Variants in SIPA1L1 observed in about 807,000 individuals in gnomAD.
SIPA1L1 encodes signal induced proliferation associated 1 like 1, also known as signal-induced proliferation-associated 1-like protein 1.
Under a neutral mutation model 162.7 loss-of-function variants are expected in SIPA1L1, and 26 were observed. That is an observed-to-expected ratio of 0.16 (90% CI 0.12 to 0.22). The LOEUF (loss-of-function observed/expected upper bound fraction) is 0.22, where lower values mean the gene tolerates loss of function less well. Among genes scored for constraint, SIPA1L1 ranks in the 10% least tolerant of loss-of-function variants. SIPA1L1 has a pLI of 1.00. For missense variants in SIPA1L1, 1,874 were observed against 2,241.0 expected (o/e 0.84, Z 3.31); for synonymous variants, 829 against 837.4 (o/e 0.99, Z 0.17).
At chr14:71,455,978 AT>A (rs1029112173) in intron 2 of SIPA1L1, among the ~76,000 whole-genome samples, 17 of 152,190 alleles carry the variant, frequency 1.1e-4, no homozygotes, top group African/African-American at 4.1e-4. Flanking sequence ...TTCATTTACT[AT>A]TGTGTTTATG....
At chr14:71,341,686 A>G (rs189460636) in intron 2 of SIPA1L1, among the ~76,000 whole-genome samples, 2 of 152,152 alleles carry the variant, frequency 1.3e-5, no homozygotes, top group African/African-American at 2.4e-5. Flanking sequence ...TCCAGTGTCT[A>G]TTATTGCCAT....
chr14:71,396,556 T>A (rs1463086051), intron 2 of SIPA1L1, among the ~76,000 whole-genome samples: 1 of 152,208 alleles, frequency 6.6e-6, no homozygotes, highest in Non-Finnish European at 1.5e-5. Context: ...GAAACGAGCA[T>A]GTCCTGCAAA....
intron 17 of SIPA1L1, among the ~76,000 whole-genome samples, chr14:71,715,566 C>CA (rs1404956623): frequency 2.6e-5 from 4 of 152,220 alleles, no homozygotes; most frequent in Non-Finnish European, 4.4e-5. Flanking sequence ...ACCACCAAAC[C>CA]AAAATCCTGT....
At chr14:71,322,635 CAG>C (rs1316747144) in intron 2 of SIPA1L1, among the ~76,000 whole-genome samples, 2 of 152,192 alleles carry the variant, frequency 1.3e-5, no homozygotes, top group Non-Finnish European at 2.9e-5. Context: ...TAACAATTAA[CAG>C]TGCATTTAAA....
chr14:71,533,293 T>C (rs148439768), intron 4 of SIPA1L1, among the ~76,000 whole-genome samples: 94 of 152,372 alleles, frequency 6.2e-4, no homozygotes, highest in Middle Eastern at 3.4e-3. Flanking sequence ...AAGGCATTTA[T>C]AAGTCACTTA....
intron 2 of SIPA1L1, among the ~76,000 whole-genome samples, chr14:71,449,239 A>G (rs1164544372): frequency 2.6e-5 from 4 of 152,214 alleles, no homozygotes; most frequent in Admixed American, 1.3e-4. Flanking sequence ...CCTAATTAGT[A>G]AGACTACCTT....
rs760367036 is a variant in SIPA1L1, at chr14:71,589,192, T to C, written c.1320T>C (p.Ser440=). ...CAAAATCAAATTCTGGCTCCTTTAG[T>C]GGATGTGAAAGTGCCTCCTTTGAGT... ...SLSKSNSGSF[S]GCESASFEST... is the part of the protein sequence containing the mutation. The change falls in exon 5 of 24, where the codon AGT becomes AGC. Residue 440 remains serine (S), a synonymous_variant. Transcript: ENST00000381232. 1.9e-6 allele frequency: 3 copies of C among 1,613,970 alleles called. No homozygotes were observed. The highest frequency in any genetic ancestry group is 2.5e-6 in the Non-Finnish European group (3 of 1,179,968).
At chr14:71,640,321 G>C (rs938380730) in intron 7 of SIPA1L1, among the ~76,000 whole-genome samples, 7 of 152,100 alleles carry the variant, frequency 4.6e-5, no homozygotes, top group African/African-American at 1.7e-4. Context: ...CCTTCAGCTT[G>C]GTTAAGAATT....
intron 7 of SIPA1L1, among the ~76,000 whole-genome samples, chr14:71,646,455 C>T (rs977056036): frequency 1.3e-5 from 2 of 152,214 alleles, no homozygotes; most frequent in African/African-American, 4.8e-5. Context: ...GGATTACAGG[C>T]GTGAGCCTGC....
intron 2 of SIPA1L1, among the ~76,000 whole-genome samples, chr14:71,495,624 G>T (rs1313773450): frequency 1.3e-5 from 2 of 151,426 alleles, no homozygotes; most frequent in Admixed American, 1.3e-4. Flanking sequence ...TCTGTTTTCA[G>T]TTTCATTGGG....
At chr14:71,562,586 G>T (rs1007815747) in intron 4 of SIPA1L1, among the ~76,000 whole-genome samples, 1 of 152,210 alleles carries the variant, frequency 6.6e-6, no homozygotes, top group Non-Finnish European at 1.5e-5. Context: ...TGCATGTTAA[G>T]ATTGGCATCC....
chr14:71,376,902 C>T (rs1250081902), intron 2 of SIPA1L1, among the ~76,000 whole-genome samples: 1 of 152,168 alleles, frequency 6.6e-6, no homozygotes, highest in East Asian at 1.9e-4. Context: ...TTTCTTAGTA[C>T]AGAACAAAAT....
intron 4 of SIPA1L1, among the ~76,000 whole-genome samples, chr14:71,535,379 C>T (rs1348038361): frequency 6.6e-6 from 1 of 152,148 alleles, no homozygotes; most frequent in Non-Finnish European, 1.5e-5. Context: ...AAGTGTTTTT[C>T]TTATGCAGGG....
At chr14:71,736,939 G>T (rs897209187) in intron 22 of SIPA1L1, among the ~76,000 whole-genome samples, 4 of 152,202 alleles carry the variant, frequency 2.6e-5, no homozygotes, top group African/African-American at 9.6e-5. Context: ...ACTGCTGCCC[G>T]GCCCCAGCCT....
chr14:71,521,218 T>G (rs2052321709), intron 3 of SIPA1L1, among the ~76,000 whole-genome samples: 1 of 152,172 alleles, frequency 6.6e-6, no homozygotes, highest in Non-Finnish European at 1.5e-5. Flanking sequence ...AAAGACAGAT[T>G]AACAAGAGAG....
At chr14:71,469,211 C>A (rs1411227440) in intron 2 of SIPA1L1, among the ~76,000 whole-genome samples, 2 of 152,068 alleles carry the variant, frequency 1.3e-5, no homozygotes, top group African/African-American at 4.8e-5. Context: ...AGTCTCACCT[C>A]CAAGATAACT....
At chr14:71,644,265 C>CCTG (rs2041972093) in intron 7 of SIPA1L1, among the ~76,000 whole-genome samples, 1 of 152,070 alleles carries the variant, frequency 6.6e-6, no homozygotes, top group Admixed American at 6.5e-5. Context: ...CAGGGTTGCA[C>CCTG]TCTATTGCCC....
intron 2 of SIPA1L1, among the ~76,000 whole-genome samples, chr14:71,361,646 T>G (rs2037827366): frequency 6.6e-6 from 1 of 152,150 alleles, no homozygotes; most frequent in African/African-American, 2.4e-5. Context: ...ATGAGCCTTT[T>G]AGCAGTTTTT....
At chr14:71,411,235 G>A (rs971739427) in intron 2 of SIPA1L1, among the ~76,000 whole-genome samples, 1 of 151,858 alleles carries the variant, frequency 6.6e-6, no homozygotes, top group Non-Finnish European at 1.5e-5. Flanking sequence ...TGCTAAGAGA[G>A]GGAAAAAATG....
Sources: gnomAD v4.1 joint callset for allele counts (sites outside exome capture counted in the v4.1 genomes callset) on GRCh38, gnomAD v4.1.1 for gene constraint, MANE v1.5 for transcripts, NCBI Gene and HGNC (gene_info 2026-07-23, HGNC 2026-07-21) for gene names.